Variants in TENM2 observed in about 807,000 individuals in gnomAD.
TENM2 encodes teneurin-2.
TENM2 carries 52 observed loss-of-function variants against 245.2 expected under a neutral mutation model. The ratio of observed to expected loss-of-function variants is 0.21; its 90% CI spans 0.17 to 0.27. The LOEUF (loss-of-function observed/expected upper bound fraction) is 0.27. Among genes scored for constraint, TENM2 ranks in the 10% least tolerant of loss-of-function variants. TENM2 has a pLI of 1.00. For synonymous variants in TENM2, 1,363 were observed against 1,438.9 expected (o/e 0.95, Z 1.19); for missense variants, 3,046 against 3,666.8 (o/e 0.83, Z 4.37).
At chr5:167,537,966 C>T (rs1771955832) in intron 2 of TENM2, among the ~76,000 whole-genome samples, 1 of 152,162 alleles carries the variant, frequency 6.6e-6, no homozygotes, top group African/African-American at 2.4e-5. Context: ...CAGCTTACAC[C>T]TTAAGGGAGG....
intron 2 of TENM2, among the ~76,000 whole-genome samples, chr5:167,431,930 TATATATATAC>T (rs1184637097): frequency 2.5e-5 from 2 of 78,882 alleles, no homozygotes; most frequent in East Asian, 2.3e-4. Context: ...TATATATACA[TATATATATAC>T]ATATATATGT....
chr5:167,752,781 C>G (rs1039578550), intron 2 of TENM2, among the ~76,000 whole-genome samples: 1 of 152,168 alleles, frequency 6.6e-6, no homozygotes, highest in Admixed American at 6.5e-5. Context: ...ACTGATCCCC[C>G]AGATGTTCTG....
At chr5:167,361,355 G>A (rs1325118665) in intron 1 of TENM2, among the ~76,000 whole-genome samples, 2 of 152,024 alleles carry the variant, frequency 1.3e-5, no homozygotes, top group African/African-American at 4.8e-5. Context: ...AGAAATAATT[G>A]CGATTAAGAA....
the TENM2 span, among the ~76,000 whole-genome samples, chr5:166,991,175 T>G: frequency 1.3e-5 from 2 of 151,898 alleles, no homozygotes; most frequent in African/African-American, 4.8e-5. Flanking sequence ...TTTGATTTTT[T>G]TTTTTTTTTT....
rs149660275 is a variant in TENM2 at position 167,626,658 on chromosome 5, G to A, written c.503-249328G>A. Among the ~76,000 whole-genome samples the A allele has an allele frequency of 2.7e-4, 41 of 152,276 alleles. 1 individual carries two copies. In the East Asian group the frequency reaches 2.7e-3, roughly 10 times the overall value. ...GTTCGGGGTGATTCTGATATAGCCA[G>A]TTAGAAAAGTTGGAACAACTGCTAT... On this transcript the variant is annotated intron_variant, in intron 2 of 28. Transcript: ENST00000518659.
chr5:167,119,379 T>G, the TENM2 span: 1 of 152,154 alleles, frequency 6.6e-6, no homozygotes, highest in Non-Finnish European at 1.5e-5. Flanking sequence ...TTTTAAAAAT[T>G]TACTAGTAAT....
At chr5:168,164,371 A>G (rs1758021368) in intron 13 of TENM2, among the ~76,000 whole-genome samples, 1 of 152,038 alleles carries the variant, frequency 6.6e-6, no homozygotes, top group African/African-American at 2.4e-5. Flanking sequence ...CTATGTGTAG[A>G]TCTCCAGAAT....
At chr5:167,013,657 A>G in the TENM2 span, among the ~76,000 whole-genome samples, 7 of 152,238 alleles carry the variant, frequency 4.6e-5, no homozygotes, top group South Asian at 8.3e-4. Context: ...CAGTGAACCA[A>G]GATCGCACCA....
At chr5:167,400,867 G>T (rs1762327653) in intron 2 of TENM2, among the ~76,000 whole-genome samples, 1 of 152,114 alleles carries the variant, frequency 6.6e-6, no homozygotes, top group African/African-American at 2.4e-5. Flanking sequence ...AATGCCTTTG[G>T]ATTTGACACT....
chr5:167,931,047 T>G (rs182060102), intron 3 of TENM2, among the ~76,000 whole-genome samples: 1 of 152,326 alleles, frequency 6.6e-6, no homozygotes, highest in Admixed American at 6.5e-5. Context: ...GACCATGCCT[T>G]ATGCTATAAG....
At position 167,536,458 on chromosome 5, in the gene TENM2, TAA is replaced by T. The variant is rs35201500; in HGVS notation, c.502+160995_502+160996del. 1.4e-3 allele frequency among the ~76,000 whole-genome samples: 211 copies of T among 150,370 alleles called. 3 individuals are homozygous for T. The highest frequency in any genetic ancestry group is 4.7e-3 in the African/African-American group (194 of 41,040). On this transcript the variant is annotated intron_variant, in intron 2 of 28. Coordinates refer to ENST00000518659, the Ensembl canonical transcript of TENM2. ...ATCTCTCTTCTCTATCCCATATACT[TAA>T]AAAAAAAAATAACCCTTTAAAAGTA...
At chr5:167,381,828 C>A (rs1403132788) in intron 2 of TENM2, among the ~76,000 whole-genome samples, 1 of 152,112 alleles carries the variant, frequency 6.6e-6, no homozygotes, top group East Asian at 1.9e-4. Flanking sequence ...TAGAATGTTA[C>A]TTCTTTTGGT....
intron 9 of TENM2, 26 bp from the exon 12 acceptor site, chr5:168,118,266 T>C: frequency 6.7e-7 from 1 of 1,494,906 alleles, no homozygotes; most frequent in East Asian, 2.3e-5. Flanking sequence ...CTTCGTGACC[T>C]AGTGCTCTGT....
chr5:168,243,594 A>G (rs1166921715), intron 25 of TENM2, among the ~76,000 whole-genome samples: 1 of 152,176 alleles, frequency 6.6e-6, no homozygotes, highest in Non-Finnish European at 1.5e-5. Flanking sequence ...AAATTATGGC[A>G]CCTGTTCTTA....
intron 13 of TENM2, among the ~76,000 whole-genome samples, chr5:168,176,313 G>C (rs1759355145): frequency 6.6e-6 from 1 of 152,168 alleles, no homozygotes; most frequent in Admixed American, 6.5e-5. Flanking sequence ...GTGAGTCCCT[G>C]CTTCCATGCT....
intron 2 of TENM2, among the ~76,000 whole-genome samples, chr5:167,626,925 AC>A (rs1438377800): frequency 6.6e-6 from 1 of 152,088 alleles, no homozygotes; most frequent in Non-Finnish European, 1.5e-5. Context: ...GCATTTGTTC[AC>A]GCTTTCCCGA....
At chr5:167,961,934 A>G (rs921583738) in intron 4 of TENM2, among the ~76,000 whole-genome samples, 1 of 152,212 alleles carries the variant, frequency 6.6e-6, no homozygotes, top group Non-Finnish European at 1.5e-5. Context: ...GCTCTTGGCA[A>G]TGAGTCTTCC....
At chr5:167,958,810 C>T (rs1780761859) in intron 4 of TENM2, among the ~76,000 whole-genome samples, 3 of 152,152 alleles carry the variant, frequency 2.0e-5, no homozygotes, top group Admixed American at 6.5e-5. Context: ...TATTGGCGCC[C>T]ACTCTCTTCT....
intron 12 of TENM2, among the ~76,000 whole-genome samples, chr5:168,157,575 G>C (rs1466742826): frequency 6.6e-6 from 1 of 152,170 alleles, no homozygotes; most frequent in African/African-American, 2.4e-5. Context: ...AGTTCTTGCA[G>C]TTAAGAGGAA....
Sources: allele counts gnomAD v4.1 joint callset (sites outside exome capture counted in the v4.1 genomes callset), GRCh38; gene constraint gnomAD v4.1.1; transcripts MANE v1.5; gene names NCBI Gene and HGNC (gene_info 2026-07-23, HGNC 2026-07-21).